Variants in PROM1 observed in about 807,000 individuals in gnomAD.
The protein encoded by PROM1 is prominin 1, also known as prominin-1.
PROM1 carries 105 observed loss-of-function variants against 116.9 expected under a neutral mutation model. That is an observed-to-expected ratio of 0.90 (90% CI 0.77 to 1.06). The LOEUF (loss-of-function observed/expected upper bound fraction) is 1.06, where lower values mean the gene tolerates loss of function less well. Ranked by LOEUF, PROM1 falls within the 50% of genes least tolerant of loss-of-function variation. PROM1 has a pLI of 0.00. For synonymous variants in PROM1, 393 were observed against 387.0 expected, an observed-to-expected ratio of 1.02 and a Z score of -0.18; for missense variants, 1,122 against 1,045.2, an observed-to-expected ratio of 1.07 and a Z score of -1.01.
At chr4:15,988,496 G>C (rs574186793) in intron 19 of PROM1, among the ~76,000 whole-genome samples, 1 of 152,342 alleles carries the variant, frequency 6.6e-6, no homozygotes, top group South Asian at 2.1e-4. Flanking sequence ...TTGCAAATGA[G>C]TGGGTGTGGC....
intron 3 of PROM1, among the ~76,000 whole-genome samples, chr4:16,038,271 T>G (rs1169685284): frequency 6.6e-6 from 1 of 152,234 alleles, no homozygotes; most frequent in Non-Finnish European, 1.5e-5. Flanking sequence ...AACGATGTTT[T>G]ATAACAGAGT....
intron 26 of PROM1, among the ~76,000 whole-genome samples, chr4:15,974,118 T>TTCTCTCTCTCTCTCTC (rs35011290): frequency 6.7e-6 from 1 of 149,360 alleles, no homozygotes; most frequent in South Asian, 2.1e-4. Flanking sequence ...CTCTCTCTCT[T>TTCTCTCTCTCTCTCTC]TCTCTCTCTC....
chr4:16,025,366 T>C, intron 5 of PROM1, 54 bp from the exon 6 acceptor site: 1 of 1,600,752 alleles, frequency 6.2e-7, no homozygotes. Context: ...TCCATGGTTC[T>C]TTGTCCAGGT....
At chr4:16,068,174 T>A (rs1560610617) in intron 2 of PROM1, among the ~76,000 whole-genome samples, 1 of 151,906 alleles carries the variant, frequency 6.6e-6, no homozygotes, top group Admixed American at 6.6e-5. Context: ...GAACCCGGAG[T>A]CCTGATGAGA....
chr4:15,981,931 C>T (rs1036832493), intron 23 of PROM1, among the ~76,000 whole-genome samples: 9 of 152,236 alleles, frequency 5.9e-5, no homozygotes, highest in African/African-American at 2.2e-4. Context: ...AAGCAAGAGT[C>T]TGGAAGTGGT....
chr4:16,062,282 A>G lies in PROM1; in HGVS notation c.220+13405T>C, dbSNP rs570862756. Among the ~76,000 whole-genome samples, 332 of 152,336 alleles carry G rather than the reference A, an allele frequency of 2.2e-3. 2 individuals are homozygous for G. Among genetic ancestry groups the G allele is most frequent in the African/African-American group, 7.7e-3 (320 of 41,578 alleles). On this transcript the variant is annotated intron_variant, in intron 2 of 27. Transcript: ENST00000447510. ...CTAAAAGTAACTAATTTCATCTGCG[A>G]CAACCTTGTTTCTAAATAAAGTCAC... is the stretch of plus-strand genomic sequence containing the variant.
intron 16 of PROM1, among the ~76,000 whole-genome samples, chr4:15,993,461 T>C (rs1273842272): frequency 6.6e-6 from 1 of 152,176 alleles, no homozygotes; most frequent in East Asian, 1.9e-4. Context: ...GACTGGGGTG[T>C]GGGCTCTGGC....
chr4:16,054,848 G>A (rs542145429), intron 2 of PROM1, among the ~76,000 whole-genome samples: 5 of 152,018 alleles, frequency 3.3e-5, no homozygotes, highest in Admixed American at 6.6e-5. Flanking sequence ...GTCAGTACTC[G>A]AGTTCCGGGG....
intron 17 of PROM1, 142 bp downstream of exon 17, chr4:15,992,106 T>C: frequency 9.7e-7 from 1 of 1,031,856 alleles, no homozygotes; most frequent in Non-Finnish European, 1.4e-6. Flanking sequence ...GTGAATGTAC[T>C]CAATGCCACC....
chr4:16,008,207 G>C (rs1399740583), intron 12 of PROM1, among the ~76,000 whole-genome samples: 1 of 152,166 alleles, frequency 6.6e-6, no homozygotes, highest in Non-Finnish European at 1.5e-5. Flanking sequence ...GATATAAAGG[G>C]TTGCTGAGCT....
At chr4:16,035,236 G>A (rs914396434) in intron 4 of PROM1, among the ~76,000 whole-genome samples, 3 of 152,050 alleles carry the variant, frequency 2.0e-5, no homozygotes, top group Non-Finnish European at 2.9e-5. Flanking sequence ...TCTTACTTAC[G>A]TATTTTTCCA....
At chr4:16,032,056 C>T (rs1712505514) in intron 5 of PROM1, among the ~76,000 whole-genome samples, 2 of 152,152 alleles carry the variant, frequency 1.3e-5, no homozygotes, top group Admixed American at 1.3e-4. Context: ...ATTTCCTTTC[C>T]AGAGGCAACC....
chr4:15,969,396 G>A (rs1713810477), intron 27 of PROM1, 28 bp from the exon 28 acceptor site: 1 of 152,132 alleles, frequency 6.6e-6, no homozygotes, highest in Non-Finnish European at 1.5e-5. Flanking sequence ...CACAATTTTA[G>A]AAATTGCTTT....
intron 2 of PROM1, among the ~76,000 whole-genome samples, chr4:16,050,045 G>A (rs991847253): frequency 1.3e-5 from 2 of 151,784 alleles, no homozygotes; most frequent in African/African-American, 2.4e-5. Context: ...GGCAGATCAC[G>A]AGGTCAGGAG....
intron 2 of PROM1, among the ~76,000 whole-genome samples, chr4:16,061,185 T>C (rs1199994590): frequency 1.5e-5 from 2 of 134,218 alleles, no homozygotes; most frequent in Admixed American, 7.8e-5. Flanking sequence ...CTTTGAATTC[T>C]ACAGGAAAAA....
rs373182229 is a variant in PROM1 at position 15,988,066 on chromosome 4, CG to C, written c.2077-351del. Among the ~76,000 whole-genome samples the C allele has an allele frequency of 9.0e-3, 1,364 of 152,054 alleles. 16 individuals are homozygous for C. Among genetic ancestry groups the C allele is most frequent in the African/African-American group, 0.031 (1,304 of 41,468 alleles). On this transcript the variant is annotated intron_variant, in intron 19 of 27. Transcript: ENST00000447510. The stretch of plus-strand genomic sequence containing the variant: ...TAATTTTTTGTATTTTTAGTAGAGA[CG>C]GGGTTTCACCGTGTTAGCCAAGATG...
Position 15,985,990 on chromosome 4 carries a change from G to A in PROM1, c.2178C>T (p.Phe726=). The part of the protein sequence containing the change: ...ILASLDFAQN[F]ITNNTSSVII... ...TAACAGAGGAAGTATTGTTTGTGATGAAGTTCTGAGCAAAATCCAGAGAAG... is the reference window on the plus strand; with the variant it reads ...TAACAGAGGAAGTATTGTTTGTGATAAAGTTCTGAGCAAAATCCAGAGAAG... The change falls in exon 21 of 28, where the codon TTC becomes TTT. Residue 726 remains phenylalanine, a synonymous_variant. Coordinates refer to ENST00000447510, the MANE Select transcript of PROM1 (RefSeq NM_006017.3). 1.4e-6 allele frequency: 2 copies of A among 1,385,954 alleles called. No individual in the cohort carries two copies. Among genetic ancestry groups the A allele is most frequent in the Non-Finnish European group, 1.9e-6 (2 of 1,044,016 alleles). 85.9% of individuals were successfully genotyped at this position (1,385,954 alleles called of 1,614,324 possible). A position where few individuals can be genotyped will look rare whatever the true frequency, so the allele number is the denominator to read the frequency against.
At chr4:16,019,071 C>G (rs1228416565) in intron 8 of PROM1, among the ~76,000 whole-genome samples, 1 of 152,192 alleles carries the variant, frequency 6.6e-6, no homozygotes, top group Non-Finnish European at 1.5e-5. Flanking sequence ...GCTCCTGAAC[C>G]ACTCTGAGCC....
At chr4:16,015,120 T>A (rs919281172) in intron 10 of PROM1, among the ~76,000 whole-genome samples, 1 of 148,078 alleles carries the variant, frequency 6.8e-6, no homozygotes, top group Non-Finnish European at 1.5e-5. Context: ...CCGAGGCGGG[T>A]GGGTCACCTG....
Sources: allele counts gnomAD v4.1 joint callset (sites outside exome capture counted in the v4.1 genomes callset), GRCh38; gene constraint gnomAD v4.1.1; transcripts MANE v1.5; gene names NCBI Gene and HGNC (gene_info 2026-07-23, HGNC 2026-07-21).